The following ROBO2 variants were observed in gnomAD, a reference collection of about 807,000 sequenced individuals.
ROBO2 encodes the protein roundabout homolog 2.
Under a neutral mutation model 160.8 loss-of-function variants are expected in ROBO2, and 53 were observed. The ratio of observed to expected loss-of-function variants is 0.33; its 90% confidence interval spans 0.26 to 0.41. The LOEUF (loss-of-function observed/expected upper bound fraction) is 0.41, where lower values mean the gene tolerates loss of function less well. ROBO2 is among the 10% of genes least tolerant of loss of function. ROBO2 has a pLI of 1.00. For missense variants in ROBO2, 1,577 were observed against 1,722.4 expected (o/e 0.92, Z 1.49); for synonymous variants, 664 against 611.7 (o/e 1.09, Z -1.26).
intron 2 of ROBO2, among the ~76,000 whole-genome samples, chr3:76,371,952 G>T (rs1441623978): frequency 2.0e-5 from 3 of 151,842 alleles, no homozygotes; most frequent in Non-Finnish European, 2.9e-5. Context: ...TTACTTAGAA[G>T]AAATTATGGT....
intron 2 of ROBO2, among the ~76,000 whole-genome samples, chr3:76,102,229 G>T (rs187099268): frequency 6.6e-6 from 1 of 152,212 alleles, no homozygotes; most frequent in African/African-American, 2.4e-5. Flanking sequence ...GAAGACTTGC[G>T]TGGAAACAAG....
At chr3:76,420,844 A>G (rs2108922205) in intron 2 of ROBO2, among the ~76,000 whole-genome samples, 1 of 152,316 alleles carries the variant, frequency 6.6e-6, no homozygotes, top group Middle Eastern at 3.4e-3. Context: ...AATTGGAAGT[A>G]TTTTGTGTCT....
intron 2 of ROBO2, among the ~76,000 whole-genome samples, chr3:77,356,777 T>C (rs2069192939): frequency 6.6e-6 from 1 of 152,166 alleles, no homozygotes; most frequent in South Asian, 2.1e-4. Flanking sequence ...CTATAATTTT[T>C]GACTATTAAA....
chr3:76,758,019 A>G (rs2061080902), intron 2 of ROBO2, among the ~76,000 whole-genome samples: 1 of 151,890 alleles, frequency 6.6e-6, no homozygotes, highest in African/African-American at 2.4e-5. Context: ...TGCATGGCAC[A>G]GGTTAAATGT....
At chr3:77,483,281 A>G (rs1260620332) in intron 4 of ROBO2, among the ~76,000 whole-genome samples, 1 of 152,072 alleles carries the variant, frequency 6.6e-6, no homozygotes, top group Non-Finnish European at 1.5e-5. Context: ...AAAAAAACAA[A>G]GTGATGGTCC....
intron 2 of ROBO2, among the ~76,000 whole-genome samples, chr3:76,126,013 G>C (rs1441419476): frequency 6.6e-6 from 1 of 152,012 alleles, no homozygotes; most frequent in Non-Finnish European, 1.5e-5. Context: ...TTTTAGTAGA[G>C]ACGAGGTTTC....
chr3:77,203,251 C>T (rs1232582941), intron 2 of ROBO2, among the ~76,000 whole-genome samples: 1 of 152,164 alleles, frequency 6.6e-6, no homozygotes. Flanking sequence ...TGCTAGATCA[C>T]TTTATCCACA....
At chr3:76,445,665 G>C (rs1214175047) in intron 2 of ROBO2, among the ~76,000 whole-genome samples, 2 of 152,072 alleles carry the variant, frequency 1.3e-5, no homozygotes, top group Non-Finnish European at 2.9e-5. Context: ...ACCGAGTCCA[G>C]CAACTCATCA....
chr3:77,193,777 CT>C (rs1560204904), intron 2 of ROBO2, among the ~76,000 whole-genome samples: 1 of 151,898 alleles, frequency 6.6e-6, no homozygotes, highest in Admixed American at 6.6e-5. Flanking sequence ...TGCAAAACCC[CT>C]GATGTTTCTT....
At chr3:76,254,969 AAAG>A (rs1706266800) in intron 2 of ROBO2, among the ~76,000 whole-genome samples, 1 of 152,134 alleles carries the variant, frequency 6.6e-6, no homozygotes, top group South Asian at 2.1e-4. Flanking sequence ...TCAATTAAAA[AAAG>A]AGAACTTGGT....
intron 2 of ROBO2, among the ~76,000 whole-genome samples, chr3:76,112,892 T>C (rs1033045941): frequency 6.6e-6 from 1 of 152,114 alleles, no homozygotes; most frequent in Non-Finnish European, 1.5e-5. Flanking sequence ...AATTCTAAAA[T>C]GTAAATCAAT....
At chr3:77,604,399 T>C (rs939671416) in intron 20 of ROBO2, among the ~76,000 whole-genome samples, 1 of 152,182 alleles carries the variant, frequency 6.6e-6, no homozygotes, top group Non-Finnish European at 1.5e-5. Context: ...CTATAATCCA[T>C]GGATTACTTA....
At chr3:77,125,379 T>C (rs911168989) in intron 2 of ROBO2, among the ~76,000 whole-genome samples, 12 of 152,218 alleles carry the variant, frequency 7.9e-5, no homozygotes, top group Admixed American at 2.0e-4. Flanking sequence ...CCAGGACTTA[T>C]ATCATCTGTA....
At chr3:77,596,554 T>C in intron 18 of ROBO2, 69 bp from the exon 20 acceptor site, 1 of 1,585,486 alleles carries the variant, frequency 6.3e-7, no homozygotes, top group Admixed American at 1.7e-5. Flanking sequence ...CGCTTTATAT[T>C]GCATGAGACG....
At chr3:75,990,113 A>G (rs2065525537) in intron 2 of ROBO2, among the ~76,000 whole-genome samples, 1 of 152,230 alleles carries the variant, frequency 6.6e-6, no homozygotes, top group Admixed American at 6.5e-5. Flanking sequence ...CATACTTAAC[A>G]TTCTCAAGCC....
At chr3:76,559,494 G>A (rs547638251) in intron 2 of ROBO2, among the ~76,000 whole-genome samples, 7 of 152,120 alleles carry the variant, frequency 4.6e-5, no homozygotes, top group African/African-American at 1.2e-4. Context: ...AAACTGATAC[G>A]GTTGGTTTTT....
intron 1 of ROBO2, chr3:75,937,391 A>G (rs62269816): frequency 3.5e-6 from 2 of 570,504 alleles, no homozygotes; most frequent in South Asian, 8.9e-5. Flanking sequence ...GAAATGCACA[A>G]TGCATATTAG....
chr3:77,362,673 T>G (rs1177036538), intron 2 of ROBO2, among the ~76,000 whole-genome samples: 1 of 151,904 alleles, frequency 6.6e-6, no homozygotes, highest in African/African-American at 2.4e-5. Flanking sequence ...CAAAGAAGAG[T>G]GTATCAGTCT....
intron 2 of ROBO2, among the ~76,000 whole-genome samples, chr3:77,209,206 T>TTAAC (rs1236750315): frequency 6.6e-6 from 1 of 152,204 alleles, no homozygotes; most frequent in Non-Finnish European, 1.5e-5. Flanking sequence ...TGGAACTCAG[T>TTAAC]TATTTTTGTT....
Sources: allele counts gnomAD v4.1 joint callset (sites outside exome capture counted in the v4.1 genomes callset), GRCh38; gene constraint gnomAD v4.1.1; transcripts MANE v1.5; gene names NCBI Gene and HGNC (gene_info 2026-07-23, HGNC 2026-07-21).